HUWE1: variants seen among roughly 807,000 people sequenced by gnomAD.
The protein encoded by HUWE1 is E3 ubiquitin-protein ligase HUWE1.
In HUWE1, 18 loss-of-function variants were observed where a neutral mutation model predicts 299.4. That is an observed-to-expected ratio of 0.06 (90% CI 0.04 to 0.09). The LOEUF is 0.09. HUWE1 is among the 10% of genes least tolerant of loss of function. HUWE1 has a pLI of 1.00. For missense variants in HUWE1, 1,832 were observed against 3,462.3 expected (o/e 0.53, Z 11.82); for synonymous variants, 1,317 against 1,286.1 (o/e 1.02, Z -0.51).
intron 48 of HUWE1, 26 bp from the exon 49 acceptor site, chrX:53,568,900 A>T (rs1444617910): frequency 3.5e-6 from 4 of 1,143,272 alleles, no homozygotes; most frequent in Admixed American, 2.5e-5. Context: ...TGACATCTCT[A>T]TCATATGAAT....
At chrX:53,610,047 A>G (rs1478751481) in intron 23 of HUWE1, among the ~76,000 whole-genome samples, 2 of 111,777 alleles carry the variant, frequency 1.8e-5, no homozygotes, top group African/African-American at 3.3e-5. Context: ...GAGTATACCT[A>G]TAAGGCAAGA....
chrX:53,542,734 G>T (rs782174287), intron 73 of HUWE1, 195 bp from the exon 74 acceptor site: 16 of 446,019 alleles, frequency 3.6e-5, no homozygotes, highest in Non-Finnish European at 5.9e-5. Flanking sequence ...ACTGTGTTTT[G>T]TAAGCTTTTC....
intron 3 of HUWE1, among the ~76,000 whole-genome samples, chrX:53,659,265 A>G (rs1569512755): frequency 2.7e-5 from 3 of 112,785 alleles, no homozygotes. Flanking sequence ...TAGTACCTTC[A>G]TTCACTATTG....
chrX:53,619,246 T>G (rs1443310827), intron 19 of HUWE1, among the ~76,000 whole-genome samples: 1 of 111,373 alleles, frequency 9.0e-6, no homozygotes, highest in Non-Finnish European at 1.9e-5. Flanking sequence ...TCTGAAAAAT[T>G]TAAGTCCTTT....
At chrX:53,611,728 C>T (rs1407811588) in intron 23 of HUWE1, among the ~76,000 whole-genome samples, 5 of 109,443 alleles carry the variant, frequency 4.6e-5, no homozygotes, top group Non-Finnish European at 9.5e-5. Context: ...CATGGTGGCA[C>T]GTGTCTGTAA....
rs1376488183 is a variant in HUWE1 at position 53,532,648 on chromosome X, C to T, written c.*661G>A. On this transcript the variant is annotated 3_prime_UTR_variant, in exon 84 of 84. Transcript: ENST00000262854. ...AAACTGACTCTGAAGGAGGAAGTTGCACCAGTGGTGGAGGCAGGTGGGCAA... is the reference window on the plus strand; with the variant it reads ...AAACTGACTCTGAAGGAGGAAGTTGTACCAGTGGTGGAGGCAGGTGGGCAA... 1.8e-5 allele frequency: 2 copies of T among 110,376 alleles called. No homozygotes were observed. Among genetic ancestry groups the T allele is most frequent in the Non-Finnish European group, 3.8e-5 (2 of 52,881 alleles). 9.1% of individuals were successfully genotyped at this position (110,376 alleles called of 1,213,427 possible). A position where few individuals can be genotyped will look rare whatever the true frequency, so the allele number is the denominator to read the frequency against.
intron 59 of HUWE1, among the ~76,000 whole-genome samples, chrX:53,558,225 T>C (rs2062119422): frequency 8.9e-6 from 1 of 111,770 alleles, no homozygotes; most frequent in African/African-American, 3.3e-5. Context: ...ACAAACATTT[T>C]CTCTGATCTG....
chrX:53,580,765 A>G, intron 43 of HUWE1, 66 bp downstream of exon 43: 1 of 1,096,380 alleles, frequency 9.1e-7, no homozygotes, highest in Non-Finnish European at 1.3e-6. Context: ...CTCCTCATAA[A>G]TAAATTTCTG....
chrX:53,655,807 T>C (rs1431816580), intron 3 of HUWE1, among the ~76,000 whole-genome samples: 1 of 112,100 alleles, frequency 8.9e-6, no homozygotes, highest in Non-Finnish European at 1.9e-5. Flanking sequence ...TAACTGATGC[T>C]TTCCCTCTAA....
At chrX:53,594,301 G>A (rs2064333569) in intron 31 of HUWE1, among the ~76,000 whole-genome samples, 198 bp downstream of exon 31, 2 of 111,655 alleles carry the variant, frequency 1.8e-5, no homozygotes, top group African/African-American at 6.5e-5. Context: ...ACAACTCTAG[G>A]GGAGGCTAAA....
chrX:53,677,552 G>T, intron 3 of HUWE1, among the ~76,000 whole-genome samples: 1 of 80,389 alleles, frequency 1.2e-5, no homozygotes, highest in Admixed American at 1.6e-4. Flanking sequence ...CCACCTGTAA[G>T]AACTCAATTG....
intron 47 of HUWE1, among the ~76,000 whole-genome samples, chrX:53,572,401 G>A (rs149884096): frequency 9.0e-6 from 1 of 111,692 alleles, no homozygotes; most frequent in East Asian, 2.8e-4. Context: ...TAAGATTTGT[G>A]TATTTTTCTA....
chrX:53,588,476 G>T lies in HUWE1; in HGVS notation c.4520C>A (p.Thr1507Lys), dbSNP rs1382783056. ...ACTTATCCACTCTGACACGGTTTTT[G>T]TGTCACTTGTTGTCAGGGGAAGAGC... ...KAALPLTTSD[T>K]KTVSEWISQM... Residue 1507 changes from threonine to lysine, a missense_variant, in exon 37 of 84, where the codon ACA becomes AAA. Thr to Lys is a moderately conservative substitution (Grantham distance 78, BLOSUM62 -1). This residue lies in a region of HUWE1 where 658 missense variants were observed against 1,282.6 expected (regional missense o/e 0.51). Coordinates refer to ENST00000262854, the MANE Select transcript of HUWE1 (RefSeq NM_031407.7). 6 of 1,205,550 alleles carry T rather than the reference G, an allele frequency of 5.0e-6. No individual in the cohort carries two copies. Among genetic ancestry groups the T allele is most frequent in the Non-Finnish European group, 6.7e-6 (6 of 892,867 alleles).
chrX:53,546,742 A>C lies in HUWE1; in HGVS notation c.10720T>G (p.Ser3574Ala). ...SSSTDFKMVSSGLTENQLQLS... is the reference protein window; with the variant it reads ...SSSTDFKMVSAGLTENQLQLS... Reference sequence around the variant, plus strand: ...TGTAGCTGGTTTTCAGTGAGGCCAGAGGACACCATCTTAAAGTCTGTACTG... The same window carrying C: ...TGTAGCTGGTTTTCAGTGAGGCCAGCGGACACCATCTTAAAGTCTGTACTG... Residue 3574 changes from serine to alanine, a missense_variant, in exon 69 of 84, where the codon TCT becomes GCT. This residue lies in a region of HUWE1 where 48 missense variants were observed against 87.0 expected (regional missense o/e 0.55). Transcript: ENST00000262854. 1.7e-6 allele frequency: 2 copies of C among 1,211,464 alleles called. No individual in the cohort carries two copies. Among genetic ancestry groups the C allele is most frequent in the Non-Finnish European group, 2.2e-6 (2 of 895,109 alleles).
chrX:53,589,942 A>G lies in HUWE1; in HGVS notation c.4192-126T>C, dbSNP rs782632516. On this transcript the variant is annotated intron_variant, in intron 35 of 83. Coordinates refer to ENST00000262854, the MANE Select transcript of HUWE1 (RefSeq NM_031407.7). ...TCAACCTTCTCCTCAAGCGGTTGAT[A>G]CTTTCATCCAGGATGTGGCAGCCAC... is the stretch of plus-strand genomic sequence containing the variant. The G allele has an allele frequency of 7.9e-5, 58 of 738,741 alleles. No homozygotes were observed. In the African/African-American group the frequency reaches 1.2e-3, roughly 15 times the overall value. The allele number at this position is 738,741 out of a possible 1,213,427, so 60.9% of individuals were successfully genotyped here.
intron 3 of HUWE1, among the ~76,000 whole-genome samples, chrX:53,663,892 A>G (rs1053277162): frequency 9.1e-6 from 1 of 110,306 alleles, no homozygotes; most frequent in African/African-American, 3.3e-5. Flanking sequence ...AAAAAAAAAA[A>G]AACCTGGGAA....
chrX:53,653,226 C>T (rs924569249), intron 4 of HUWE1, among the ~76,000 whole-genome samples: 5 of 112,400 alleles, frequency 4.4e-5, no homozygotes, highest in African/African-American at 1.6e-4. Flanking sequence ...TTGCCAGGTA[C>T]TTTTACATTT....
At chrX:53,564,120 A>T (rs1185096488) in intron 51 of HUWE1, among the ~76,000 whole-genome samples, 2 of 112,076 alleles carry the variant, frequency 1.8e-5, no homozygotes, top group African/African-American at 6.5e-5. Context: ...CCACAGGCCC[A>T]ATTTCTTACC....
Position 53,589,895 on chromosome X carries a change from T to C in HUWE1, c.4192-79A>G, listed in dbSNP as rs781826374. ...GATAAGAGAGACTCTGAGAATGTTT[T>C]TGCTCTACCATATGATTACCCTCAA... is the stretch of plus-strand genomic sequence containing the variant. On this transcript the variant is annotated intron_variant, in intron 35 of 83. Transcript: ENST00000262854. 10 of 1,020,728 alleles carry C rather than the reference T, an allele frequency of 9.8e-6. No individual in the cohort carries two copies. In the East Asian group the frequency reaches 2.0e-4, roughly 20 times the overall value. The allele number at this position is 1,020,728 out of a possible 1,213,427, so 84.1% of individuals were successfully genotyped here. A position where few individuals can be genotyped will look rare whatever the true frequency, so the allele number is the denominator to read the frequency against.
Sources: allele counts gnomAD v4.1 joint callset (sites outside exome capture counted in the v4.1 genomes callset), GRCh38; gene constraint gnomAD v4.1.1; regional missense constraint gnomAD v4.1.1; transcripts MANE v1.5; gene names NCBI Gene and HGNC (gene_info 2026-07-23, HGNC 2026-07-21).